Variants in RAPGEF4 observed in about 807,000 individuals in gnomAD.
The protein encoded by RAPGEF4 is Rap guanine nucleotide exchange factor 4, also known as RAP guanine-nucleotide-exchange factor (GEF) 4.
A neutral mutation model predicts 147.9 loss-of-function variants in RAPGEF4; 66 were observed. The observed-to-expected ratio is 0.45, with a 90% CI of 0.37 to 0.55. The LOEUF (loss-of-function observed/expected upper bound fraction) is 0.55. RAPGEF4 is among the 20% of genes least tolerant of loss of function. The pLI, the probability that RAPGEF4 is intolerant of heterozygous loss-of-function variation, is 0.00. For missense variants in RAPGEF4, 1,071 were observed against 1,257.3 expected, an observed-to-expected ratio of 0.85 and a Z score of 2.24; for synonymous variants, 419 against 442.7, an observed-to-expected ratio of 0.95 and a Z score of 0.67.
intron 4 of RAPGEF4, among the ~76,000 whole-genome samples, chr2:172,903,114 A>G (rs1306781005): frequency 6.6e-6 from 1 of 152,238 alleles, no homozygotes; most frequent in East Asian, 1.9e-4. Flanking sequence ...CAAGCCTGTA[A>G]TCTCAACACT....
chr2:172,874,522 G>A (rs965181242), intron 4 of RAPGEF4, among the ~76,000 whole-genome samples: 1 of 152,152 alleles, frequency 6.6e-6, no homozygotes, highest in African/African-American at 2.4e-5. Context: ...CCTTGCGACA[G>A]TTTGCTGAGA....
chr2:173,013,025 G>A lies in RAPGEF4; in HGVS notation c.1659-1439G>A, dbSNP rs114122071. ...CATTGTGAGCTGAGAGAGGATTGTA[G>A]CAATACAGGTTGAGCAATTTTCTTT... On this transcript the variant is annotated intron_variant, in intron 17 of 30. Transcript: ENST00000397081. Among the ~76,000 whole-genome samples the A allele has an allele frequency of 3.0e-3, 462 of 152,312 alleles. 1 individual carries two copies. The highest frequency in any genetic ancestry group is 4.1e-3 in the Non-Finnish European group (278 of 68,028).
At chr2:172,751,362 G>T (rs896291337) in intron 1 of RAPGEF4, among the ~76,000 whole-genome samples, 3 of 152,148 alleles carry the variant, frequency 2.0e-5, no homozygotes, top group African/African-American at 7.2e-5. Context: ...TTCAAAAAAC[G>T]ATTTATGGGG....
At chr2:173,018,416 A>G (rs1194579040) in intron 21 of RAPGEF4, among the ~76,000 whole-genome samples, 2 of 152,118 alleles carry the variant, frequency 1.3e-5, no homozygotes, top group Non-Finnish European at 2.9e-5. Flanking sequence ...TGGGGTTTTC[A>G]CCAATATCTC....
At chr2:172,958,955 A>G (rs1391605572) in intron 6 of RAPGEF4, among the ~76,000 whole-genome samples, 1 of 152,238 alleles carries the variant, frequency 6.6e-6, no homozygotes, top group Non-Finnish European at 1.5e-5. Context: ...ATTTAGCTAC[A>G]TACAATATTA....
intron 6 of RAPGEF4, chr2:172,928,441 C>T: frequency 3.5e-6 from 1 of 288,624 alleles, no homozygotes; most frequent in Non-Finnish European, 6.9e-6. Flanking sequence ...TCTGATCCTT[C>T]TGTTGTCAGT....
At chr2:172,959,682 C>T (rs116077776) in intron 6 of RAPGEF4, among the ~76,000 whole-genome samples, 2,462 of 152,214 alleles carry the variant, frequency 0.016, 62 homozygotes, top group African/African-American at 0.056. Context: ...AATATCATTA[C>T]CAGATTATTT....
At chr2:172,905,053 G>T (rs1162924819) in intron 4 of RAPGEF4, among the ~76,000 whole-genome samples, 2 of 151,702 alleles carry the variant, frequency 1.3e-5, no homozygotes, top group Admixed American at 6.6e-5. Context: ...CACCCTACTG[G>T]CCTTCTTTGT....
At chr2:172,814,597 C>A in intron 4 of RAPGEF4, 172 bp downstream of exon 4, 1 of 712,302 alleles carries the variant, frequency 1.4e-6, no homozygotes, top group Non-Finnish European at 2.4e-6. Flanking sequence ...GCCATTTTGA[C>A]ACAAGACATC....
chr2:173,022,718 C>G (rs962507028), intron 23 of RAPGEF4, among the ~76,000 whole-genome samples: 2 of 152,148 alleles, frequency 1.3e-5, no homozygotes, highest in African/African-American at 4.8e-5. Flanking sequence ...ACACAAGCAG[C>G]CTGGAATAGA....
intron 29 of RAPGEF4, among the ~76,000 whole-genome samples, chr2:173,043,620 G>A (rs1219213163): frequency 1.3e-5 from 2 of 152,234 alleles, no homozygotes; most frequent in Non-Finnish European, 2.9e-5. Flanking sequence ...GGTGGGGGCA[G>A]CCACAAAGTC....
Position 173,051,933 on chromosome 2 carries a change from G to A in RAPGEF4, c.*166G>A. On this transcript the variant is annotated 3_prime_UTR_variant, in exon 31 of 31. Transcript: ENST00000397081. ...ATTCAGCTTACCAGCTACCTAGCAA[G>A]AGAAGGAATTATTTGACATGCCTAA... 1 of 691,118 alleles carries A rather than the reference G, an allele frequency of 1.4e-6. No homozygotes were observed. The allele number at this position is 691,118 out of a possible 1,614,324, so 42.8% of individuals were successfully genotyped here.
intron 1 of RAPGEF4, among the ~76,000 whole-genome samples, chr2:172,784,474 T>C (rs1684995235): frequency 6.7e-6 from 1 of 149,246 alleles, no homozygotes; most frequent in African/African-American, 2.5e-5. Flanking sequence ...GCCGAGATCG[T>C]GCCACTGCAC....
intron 1 of RAPGEF4, among the ~76,000 whole-genome samples, chr2:172,742,628 A>C (rs1694398450): frequency 6.6e-6 from 1 of 152,206 alleles, no homozygotes; most frequent in African/African-American, 2.4e-5. Context: ...ATTTATTGGG[A>C]GACATTTCAC....
chr2:172,961,196 A>G lies in RAPGEF4; in HGVS notation c.666A>G (p.Ile222Met), dbSNP rs761528496. The G allele has an allele frequency of 6.2e-6, 10 of 1,610,866 alleles. No homozygotes were observed. In the South Asian group the frequency reaches 6.6e-5, roughly 11 times the overall value. ...NAILSRAPHM[I>M]RDRKYHLKTY... ...TTCTCTCTCGAGCACCTCACATGATAAGAGATAGAAAATACCACCTAAAGA... is the reference window on the plus strand; with the variant it reads ...TTCTCTCTCGAGCACCTCACATGATGAGAGATAGAAAATACCACCTAAAGA... Residue 222 changes from isoleucine (I) to methionine (M), a missense_variant, in exon 8 of 31, where the codon ATA (isoleucine) becomes ATG (methionine). Ile to Met is a conservative substitution (Grantham distance 10). Transcript: ENST00000397081.
chr2:172,824,410 C>T (rs1241075747), intron 4 of RAPGEF4, among the ~76,000 whole-genome samples: 1 of 152,346 alleles, frequency 6.6e-6, no homozygotes, highest in Non-Finnish European at 1.5e-5. Context: ...CTTCTGCATA[C>T]ACCTGGCTGG....
intron 5 of RAPGEF4, among the ~76,000 whole-genome samples, chr2:172,918,679 A>G (rs1190372763): frequency 6.6e-6 from 1 of 152,130 alleles, no homozygotes; most frequent in Non-Finnish European, 1.5e-5. Context: ...TGTCGGAAAC[A>G]TGGTTAGCGT....
intron 6 of RAPGEF4, among the ~76,000 whole-genome samples, chr2:172,959,740 T>A (rs1689094715): frequency 6.6e-6 from 1 of 152,212 alleles, no homozygotes; most frequent in African/African-American, 2.4e-5. Flanking sequence ...GGGCTTAATG[T>A]GTAGCTGTGT....
chr2:172,777,032 G>A (rs1245849821), intron 1 of RAPGEF4, among the ~76,000 whole-genome samples: 2 of 152,142 alleles, frequency 1.3e-5, no homozygotes, highest in Non-Finnish European at 2.9e-5. Flanking sequence ...GCTATTGAGA[G>A]TCTGGATTGT....
Sources: gnomAD v4.1 joint callset for allele counts (sites outside exome capture counted in the v4.1 genomes callset) on GRCh38, gnomAD v4.1.1 for gene constraint, MANE v1.5 for transcripts, NCBI Gene and HGNC (gene_info 2026-07-23, HGNC 2026-07-21) for gene names.